The following SH3BGRL2 variants were observed in gnomAD, a reference collection of about 807,000 sequenced individuals.
The protein encoded by SH3BGRL2 is SH3 domain-binding glutamic acid-rich-like protein 2.
SH3BGRL2 carries 21 observed loss-of-function variants against 14.8 expected under a neutral mutation model. The observed-to-expected ratio is 1.42, with a 90% confidence interval of 1.01 to 2.05. The LOEUF (loss-of-function observed/expected upper bound fraction) is 2.05. SH3BGRL2 is among the 30% of genes most tolerant of loss of function. The pLI is 0.00. For missense variants in SH3BGRL2, 147 were observed against 130.8 expected (o/e 1.12, Z -0.61); for synonymous variants, 50 against 47.8 (o/e 1.05, Z -0.19).
chr6:79,621,305 A>T, the SH3BGRL2 span, among the ~76,000 whole-genome samples: 99 of 152,204 alleles, frequency 6.5e-4, 2 homozygotes, highest in Non-Finnish European at 4.9e-4. Context: ...GATAGTGTTA[A>T]GAGGTGGGGG....
At chr6:79,618,815 A>T in the SH3BGRL2 span, among the ~76,000 whole-genome samples, 2 of 149,834 alleles carry the variant, frequency 1.3e-5, no homozygotes, top group Non-Finnish European at 3.0e-5. Flanking sequence ...GCTACTCGGG[A>T]GGCTGAGGCA....
chr6:79,547,834 A>C, the SH3BGRL2 span, among the ~76,000 whole-genome samples: 1 of 152,186 alleles, frequency 6.6e-6, no homozygotes, highest in Non-Finnish European at 1.5e-5. Flanking sequence ...GAGACTACTC[A>C]ATTAACATAT....
chr6:79,550,668 C>T, the SH3BGRL2 span, among the ~76,000 whole-genome samples: 4 of 152,144 alleles, frequency 2.6e-5, no homozygotes, highest in African/African-American at 7.2e-5. Flanking sequence ...TGAGTACTTA[C>T]GTCTACAGGA....
At chr6:79,686,646 T>C (rs1770103642) in intron 2 of SH3BGRL2, among the ~76,000 whole-genome samples, 5 of 152,362 alleles carry the variant, frequency 3.3e-5, no homozygotes, top group Admixed American at 3.3e-4. Flanking sequence ...TGCAGCATTT[T>C]CTTTAATCTC....
chr6:79,669,323 C>T (rs2127731937), intron 1 of SH3BGRL2, among the ~76,000 whole-genome samples: 1 of 152,224 alleles, frequency 6.6e-6, no homozygotes, highest in East Asian at 1.9e-4. Flanking sequence ...ATAAAAGAAT[C>T]AGCCCTGTTG....
At chr6:79,581,596 A>G in the SH3BGRL2 span, among the ~76,000 whole-genome samples, 1 of 152,216 alleles carries the variant, frequency 6.6e-6, no homozygotes, top group Non-Finnish European at 1.5e-5. Flanking sequence ...ACAGCGCTTC[A>G]TGCTGAAAAC....
intron 1 of SH3BGRL2, among the ~76,000 whole-genome samples, chr6:79,649,673 T>C (rs2127725967): frequency 6.6e-6 from 1 of 152,292 alleles, no homozygotes; most frequent in Admixed American, 6.5e-5. Flanking sequence ...CTCTTCTTTG[T>C]CTACACATAG....
chr6:79,672,153 C>T (rs1175776529), intron 1 of SH3BGRL2, among the ~76,000 whole-genome samples: 1 of 152,100 alleles, frequency 6.6e-6, no homozygotes, highest in African/African-American at 2.4e-5. Flanking sequence ...GTACTGCCAC[C>T]CTCCAAGCTG....
At chr6:79,637,771 G>C (rs764646278) in intron 1 of SH3BGRL2, among the ~76,000 whole-genome samples, 2 of 151,952 alleles carry the variant, frequency 1.3e-5, no homozygotes, top group Non-Finnish European at 2.9e-5. Context: ...ATGTCTTTGA[G>C]TGCAGAGATT....
At chr6:79,620,327 T>A in the SH3BGRL2 span, among the ~76,000 whole-genome samples, 1 of 152,194 alleles carries the variant, frequency 6.6e-6, no homozygotes, top group East Asian at 1.9e-4. Context: ...TTTTTTTGCC[T>A]GATTTCCTTC....
At position 79,673,816 on chromosome 6, in the gene SH3BGRL2, T is replaced by C; in HGVS notation, c.231+17T>C. ...TACTGTGGAGTAAGTGGCTAGACTG[T>C]TATCATGCTGTTTCTTTTTATTGTT... On this transcript the variant is annotated intron_variant, in intron 2 of 3. Transcript: ENST00000369838. 1 of 1,605,230 alleles carries C rather than the reference T, an allele frequency of 6.2e-7. No individual in the cohort carries two copies.
the SH3BGRL2 span, among the ~76,000 whole-genome samples, chr6:79,605,209 C>T: frequency 1.3e-5 from 2 of 152,154 alleles, no homozygotes; most frequent in South Asian, 2.1e-4. Flanking sequence ...GCTGGCTATG[C>T]GGAGTAACCA....
chr6:79,670,078 T>C (rs555694485), intron 1 of SH3BGRL2, among the ~76,000 whole-genome samples: 2 of 152,242 alleles, frequency 1.3e-5, no homozygotes, highest in African/African-American at 4.8e-5. Context: ...ACATAGACAA[T>C]ATGTGAGTGA....
intron 1 of SH3BGRL2, among the ~76,000 whole-genome samples, chr6:79,668,300 C>T (rs1383515926): frequency 1.3e-5 from 2 of 152,112 alleles, no homozygotes; most frequent in Non-Finnish European, 2.9e-5. Flanking sequence ...ATTATTTAGC[C>T]TGTCTTCCAA....
rs1438605249 is a variant in SH3BGRL2 at position 79,700,577 on chromosome 6, A to G, written c.*1068A>G. 1 of 152,072 alleles carries G rather than the reference A, an allele frequency of 6.6e-6. No individual in the cohort carries two copies. Among genetic ancestry groups the G allele is most frequent in the African/African-American group, 2.4e-5 (1 of 41,390 alleles). The allele number at this position is 152,072 out of a possible 1,614,324, so 9.4% of individuals were successfully genotyped here. ...TTGCTCATATTTCTGGCCAATGTACAGCCTCATATTTTTCAGAGTAATACA... is the reference window on the plus strand; with the variant it reads ...TTGCTCATATTTCTGGCCAATGTACGGCCTCATATTTTTCAGAGTAATACA... On this transcript the variant is annotated 3_prime_UTR_variant, in exon 4 of 4. Transcript: ENST00000369838.
At chr6:79,668,599 G>GT (rs1191548461) in intron 1 of SH3BGRL2, among the ~76,000 whole-genome samples, 1 of 152,124 alleles carries the variant, frequency 6.6e-6, no homozygotes, top group African/African-American at 2.4e-5. Context: ...CCTGAAGTTA[G>GT]TGGGGGGGAG....
the SH3BGRL2 span, among the ~76,000 whole-genome samples, chr6:79,580,990 A>G: frequency 1.3e-5 from 2 of 152,238 alleles, no homozygotes; most frequent in African/African-American, 4.8e-5. Context: ...ACAAGCTACC[A>G]TCAGAGAATA....
At position 79,692,531 on chromosome 6, in the gene SH3BGRL2, G is replaced by C. The variant is rs891178650; in HGVS notation, c.232-3954G>C. 1.1e-4 allele frequency among the ~76,000 whole-genome samples: 16 copies of C among 152,178 alleles called. No individual in the cohort carries two copies. The East Asian group carries it at 3.1e-3, about 29-fold the overall frequency. ...TTTAATCCATCTTGAATTAATTTTT[G>C]TATAAGGTGTAAGGAAGGGATCCAG... is the stretch of plus-strand genomic sequence containing the variant. On this transcript the variant is annotated intron_variant, in intron 2 of 3. Transcript: ENST00000369838.
At chr6:79,633,500 T>C (rs771845201) in intron 1 of SH3BGRL2, among the ~76,000 whole-genome samples, 26 of 152,180 alleles carry the variant, frequency 1.7e-4, no homozygotes, top group Non-Finnish European at 1.3e-4. Context: ...CTTGGACATT[T>C]TATTGTGAAG....
Sources: allele counts gnomAD v4.1 joint callset (sites outside exome capture counted in the v4.1 genomes callset), GRCh38; gene constraint gnomAD v4.1.1; transcripts MANE v1.5; gene names NCBI Gene and HGNC (gene_info 2026-07-23, HGNC 2026-07-21).